The following SCN1A variants were observed in gnomAD, a reference collection of about 807,000 sequenced individuals.
SCN1A encodes sodium channel protein type 1 subunit alpha.
A neutral mutation model predicts 193.7 loss-of-function variants in SCN1A; 13 were observed. The observed-to-expected ratio is 0.07, with a 90% CI of 0.04 to 0.11. The LOEUF is 0.11. Among genes scored for constraint, SCN1A ranks in the 10% least tolerant of loss-of-function variants. The pLI is 1.00. For synonymous variants in SCN1A, 781 were observed against 843.6 expected (o/e 0.93, Z 1.29); for missense variants, 1,432 against 2,451.1 (o/e 0.58, Z 8.78).
intron 4 of SCN1A, among the ~76,000 whole-genome samples, chr2:166,059,203 A>C (rs1350128977): frequency 6.6e-6 from 1 of 152,172 alleles, no homozygotes; most frequent in Non-Finnish European, 1.5e-5. Context: ...TTCGTAATAG[A>C]AAATAAAAAC....
chr2:166,111,347 A>G (rs547227798), intron 2 of SCN1A, among the ~76,000 whole-genome samples: 7 of 152,090 alleles, frequency 4.6e-5, no homozygotes, highest in African/African-American at 7.2e-5. Context: ...CCTGTGCTCT[A>G]TAAGTAGAAC....
intron 2 of SCN1A, among the ~76,000 whole-genome samples, chr2:166,107,845 T>C (rs1688859993): frequency 6.6e-6 from 1 of 152,148 alleles, no homozygotes; most frequent in Non-Finnish European, 1.5e-5. Flanking sequence ...GAACTAAAAC[T>C]ATAATTCTTT....
At chr2:166,022,432 G>A (rs1694197021) in intron 19 of SCN1A, among the ~76,000 whole-genome samples, 2 of 152,122 alleles carry the variant, frequency 1.3e-5, no homozygotes, top group Non-Finnish European at 2.9e-5. Context: ...ATCTTTGTGG[G>A]TATTAAAAAA....
rs1022780787 is a variant in SCN1A, at chr2:165,989,976, A to G, written c.*1269T>C. ...TTAAAGTGCTGCAAACTATTGCTTA[A>G]TGACTTAAATAAATGAGATCTGTTG... On this transcript the variant is annotated 3_prime_UTR_variant, in exon 29 of 29. Coordinates refer to ENST00000674923, the MANE Select transcript of SCN1A (RefSeq NM_001165963.4). The G allele has an allele frequency of 3.3e-5, 5 of 152,630 alleles. No individual in the cohort carries two copies. Among genetic ancestry groups the G allele is most frequent in the Non-Finnish European group, 7.3e-5 (5 of 68,028 alleles). The allele number at this position is 152,630 out of a possible 1,614,324, so 9.5% of individuals were successfully genotyped here. A position where few individuals can be genotyped will look rare whatever the true frequency, so the allele number is the denominator to read the frequency against.
intron 2 of SCN1A, among the ~76,000 whole-genome samples, chr2:166,081,881 C>T (rs892707680): frequency 3.3e-5 from 5 of 151,750 alleles, no homozygotes; most frequent in African/African-American, 1.2e-4. Context: ...TTATCTGACC[C>T]TAGAAGTGAT....
intron 14 of SCN1A, 96 bp from the exon 15 acceptor site, chr2:166,042,520 G>T: frequency 2.7e-6 from 3 of 1,119,672 alleles, no homozygotes; most frequent in East Asian, 2.4e-5. Context: ...TGAAACACAT[G>T]CATCATGCAC....
chr2:166,045,370 C>T (rs1416986490), intron 12 of SCN1A, 43 bp from the exon 13 acceptor site: 1 of 1,597,480 alleles, frequency 6.3e-7, no homozygotes, highest in East Asian at 2.2e-5. Flanking sequence ...CCTGAAGAGA[C>T]TGTATCTTTC....
At chr2:166,092,332 C>T (rs1254221076) in intron 2 of SCN1A, among the ~76,000 whole-genome samples, 2 of 152,000 alleles carry the variant, frequency 1.3e-5, no homozygotes, top group Non-Finnish European at 2.9e-5. Flanking sequence ...ATGTAGCACT[C>T]ATAGTTAATG....
At chr2:166,005,466 A>G (rs1239582233) in intron 23 of SCN1A, among the ~76,000 whole-genome samples, 2 of 151,408 alleles carry the variant, frequency 1.3e-5, no homozygotes, top group Non-Finnish European at 3.0e-5. Flanking sequence ...TGACGCAAGC[A>G]TGTACTCTGC....
intron 2 of SCN1A, among the ~76,000 whole-genome samples, chr2:166,122,480 T>G (rs1426828946): frequency 1.3e-5 from 2 of 152,202 alleles, no homozygotes; most frequent in African/African-American, 4.8e-5. Flanking sequence ...GTTTTCTGAT[T>G]CTTTAAAGTT....
chr2:166,017,350 G>A (rs1334139128), intron 19 of SCN1A, among the ~76,000 whole-genome samples: 1 of 151,890 alleles, frequency 6.6e-6, no homozygotes, highest in Non-Finnish European at 1.5e-5. Flanking sequence ...AACATATCCA[G>A]GAATAAGTCA....
intron 19 of SCN1A, among the ~76,000 whole-genome samples, chr2:166,020,245 C>T (rs1693863044): frequency 6.6e-6 from 1 of 152,144 alleles, no homozygotes; most frequent in African/African-American, 2.4e-5. Flanking sequence ...GACTTTTTCT[C>T]CTAGTGATTT....
intron 4 of SCN1A, chr2:166,071,881 C>T (rs974739092): frequency 6.7e-6 from 1 of 149,914 alleles, no homozygotes; most frequent in Non-Finnish European, 1.5e-5. Context: ...CAGAGCGAGA[C>T]TGCGTCTCAA....
intron 18 of SCN1A, among the ~76,000 whole-genome samples, chr2:166,036,850 C>T (rs570125083): frequency 9.2e-5 from 14 of 152,202 alleles, no homozygotes; most frequent in African/African-American, 2.2e-4. Flanking sequence ...GTGTACAATA[C>T]GAGAATTCTT....
chr2:165,996,252 A>T, intron 26 of SCN1A, 135 bp from the exon 27 acceptor site: 1 of 588,526 alleles, frequency 1.7e-6, no homozygotes, highest in South Asian at 2.0e-5. Context: ...CTGGGATTTA[A>T]AATGTAAAAA....
intron 2 of SCN1A, among the ~76,000 whole-genome samples, chr2:166,114,856 A>G (rs1248125984): frequency 1.3e-5 from 2 of 152,212 alleles, no homozygotes. Context: ...TTATTCAAAC[A>G]GGAAGAGAAA....
chr2:166,077,414 C>T (rs1184034505), intron 3 of SCN1A, among the ~76,000 whole-genome samples: 2 of 151,896 alleles, frequency 1.3e-5, no homozygotes, highest in African/African-American at 4.8e-5. Context: ...CCTGAACAGA[C>T]ACTTCACCAA....
chr2:166,112,861 T>C (rs180743296), intron 2 of SCN1A, among the ~76,000 whole-genome samples: 188 of 152,290 alleles, frequency 1.2e-3, no homozygotes, highest in African/African-American at 4.4e-3. Flanking sequence ...TTTAATCAAT[T>C]ATGCCTACAT....
chr2:166,090,040 T>TTA (rs1333454785), intron 2 of SCN1A, among the ~76,000 whole-genome samples: 1 of 128,614 alleles, frequency 7.8e-6, no homozygotes, highest in African/African-American at 3.1e-5. Flanking sequence ...TTTTTTTTTT[T>TTA]TTTTTTTTTT....
Sources: gnomAD v4.1 joint callset for allele counts (sites outside exome capture counted in the v4.1 genomes callset) on GRCh38, gnomAD v4.1.1 for gene constraint, MANE v1.5 for transcripts, NCBI Gene and HGNC (gene_info 2026-07-23, HGNC 2026-07-21) for gene names.